NTM: variants seen among roughly 807,000 people sequenced by gnomAD.
NTM encodes neurotrimin, also known as IgLON family member 2.
Under a neutral mutation model 42.1 loss-of-function variants are expected in NTM, and 13 were observed. The observed-to-expected ratio is 0.31, with a 90% CI of 0.20 to 0.49. NTM has a LOEUF of 0.49. NTM is among the 20% of genes least tolerant of loss of function. The probability of loss-of-function intolerance (pLI) is 0.99; values close to 1 mark genes in which losing one functional copy is unlikely to be tolerated. For missense variants in NTM, 373 were observed against 452.8 expected (o/e 0.82, Z 1.60); for synonymous variants, 187 against 179.2 (o/e 1.04, Z -0.35).
intron 1 of NTM, among the ~76,000 whole-genome samples, chr11:131,763,610 G>A (rs1473780966): frequency 2.0e-5 from 3 of 149,938 alleles, no homozygotes; most frequent in Non-Finnish European, 3.0e-5. Context: ...TCTGAATCTA[G>A]AATGGGAAGC....
chr11:131,613,440 C>T (rs1490880089), intron 1 of NTM, among the ~76,000 whole-genome samples: 4 of 152,152 alleles, frequency 2.6e-5, no homozygotes, highest in Non-Finnish European at 4.4e-5. Flanking sequence ...GTTTCAGCCC[C>T]CATCCTCAGG....
At chr11:132,267,508 A>G (rs1414548867) in intron 4 of NTM, among the ~76,000 whole-genome samples, 1 of 146,870 alleles carries the variant, frequency 6.8e-6, no homozygotes, top group Non-Finnish European at 1.5e-5. Context: ...TTTCATTCAG[A>G]TACCTTTAAA....
At chr11:131,431,623 C>T (rs2512648) in intron 1 of NTM, among the ~76,000 whole-genome samples, 61,584 of 152,026 alleles carry the variant, frequency 0.41, 13,371 homozygotes, top group Non-Finnish European at 0.5. Flanking sequence ...CCCCGTGTGG[C>T]TGGCCCAACA....
chr11:131,557,912 G>A (rs75878900), intron 1 of NTM, among the ~76,000 whole-genome samples: 1,999 of 152,280 alleles, frequency 0.013, 49 homozygotes, highest in African/African-American at 0.045. Context: ...CTTTTGAGGG[G>A]TGGTATCTCT....
chr11:131,900,930 A>G lies in NTM; in HGVS notation c.83-10634A>G, dbSNP rs78863321. On this transcript the variant is annotated intron_variant, in intron 1 of 8. Transcript: ENST00000683400. ...TTGGGCCAACACTTGTTTTTTGGCA[A>G]AAATTCCTGATACCTGCAGAAAGCA... Among the ~76,000 whole-genome samples the G allele has an allele frequency of 8.8e-3, 1,337 of 152,280 alleles. 15 individuals carry two copies. Among genetic ancestry groups the G allele is most frequent in the African/African-American group, 0.031 (1,275 of 41,544 alleles).
intron 8 of NTM, among the ~76,000 whole-genome samples, chr11:132,331,772 G>A (rs777978865): frequency 1.3e-5 from 2 of 152,228 alleles, no homozygotes; most frequent in African/African-American, 4.8e-5. Flanking sequence ...CCTGCAAGAG[G>A]TGCTGAAGGC....
chr11:132,124,422 C>T (rs1320085961), intron 2 of NTM, among the ~76,000 whole-genome samples: 1 of 152,186 alleles, frequency 6.6e-6, no homozygotes, highest in Non-Finnish European at 1.5e-5. Flanking sequence ...TTGGCACCTG[C>T]GCCTTAGATT....
chr11:132,113,432 A>G (rs1474813311), intron 2 of NTM, among the ~76,000 whole-genome samples: 1 of 152,214 alleles, frequency 6.6e-6, no homozygotes, highest in Non-Finnish European at 1.5e-5. Context: ...CACCACGTAC[A>G]CATTTTCCCT....
At chr11:131,455,926 T>A (rs1591717559) in intron 1 of NTM, among the ~76,000 whole-genome samples, 1 of 152,362 alleles carries the variant, frequency 6.6e-6, no homozygotes, top group East Asian at 1.9e-4. Flanking sequence ...GTCTTTGGTA[T>A]GTCTGATGAA....
intron 1 of NTM, among the ~76,000 whole-genome samples, chr11:131,610,828 T>A (rs2061410099): frequency 2.0e-5 from 3 of 152,102 alleles, no homozygotes; most frequent in Non-Finnish European, 4.4e-5. Flanking sequence ...ACGCTGAGGA[T>A]CCTAAATGCT....
chr11:132,133,609 C>T (rs1209140776), intron 2 of NTM, among the ~76,000 whole-genome samples: 6 of 152,158 alleles, frequency 3.9e-5, no homozygotes, highest in African/African-American at 1.4e-4. Context: ...AGACCCCTGA[C>T]ACACAGCCCT....
chr11:131,486,225 G>C (rs1458931037), intron 1 of NTM, among the ~76,000 whole-genome samples: 1 of 152,164 alleles, frequency 6.6e-6, no homozygotes, highest in Non-Finnish European at 1.5e-5. Flanking sequence ...ATTGCCTCCA[G>C]AACTTGGCAG....
At chr11:132,058,092 G>C (rs1408667256) in intron 2 of NTM, among the ~76,000 whole-genome samples, 1 of 152,132 alleles carries the variant, frequency 6.6e-6, no homozygotes, top group African/African-American at 2.4e-5. Flanking sequence ...GATTTGAGTT[G>C]TTCTGTCTGT....
intron 1 of NTM, among the ~76,000 whole-genome samples, chr11:131,615,001 G>A (rs1307917652): frequency 6.6e-6 from 1 of 152,210 alleles, no homozygotes; most frequent in Admixed American, 6.5e-5. Context: ...TGGTGTGGTA[G>A]AAGCAGATGG....
intron 2 of NTM, among the ~76,000 whole-genome samples, chr11:132,075,445 A>G (rs187986303): frequency 6.6e-6 from 1 of 152,344 alleles, no homozygotes; most frequent in Non-Finnish European, 1.5e-5. Context: ...CATTTGCTCT[A>G]GAATCCTATT....
At chr11:131,852,346 C>T (rs1266146542) in intron 1 of NTM, among the ~76,000 whole-genome samples, 4 of 152,226 alleles carry the variant, frequency 2.6e-5, no homozygotes, top group Non-Finnish European at 5.9e-5. Context: ...ACATAGTGAA[C>T]ATTTAATACA....
chr11:131,494,935 T>C (rs945153193), intron 1 of NTM, among the ~76,000 whole-genome samples: 2 of 152,236 alleles, frequency 1.3e-5, no homozygotes, highest in Admixed American at 6.5e-5. Flanking sequence ...CATTAAAATA[T>C]GTATGACAAC....
At chr11:131,643,748 G>T (rs574754181) in intron 1 of NTM, among the ~76,000 whole-genome samples, 7 of 152,248 alleles carry the variant, frequency 4.6e-5, no homozygotes, top group African/African-American at 1.7e-4. Flanking sequence ...GTGCAGAAAC[G>T]TGTGCTGCCA....
chr11:132,043,223 C>T (rs1177911565), intron 2 of NTM, among the ~76,000 whole-genome samples: 3 of 152,192 alleles, frequency 2.0e-5, no homozygotes, highest in African/African-American at 7.2e-5. Context: ...AGTCTTTCTG[C>T]AAGCTCCTAC....
Sources: allele counts gnomAD v4.1 joint callset (sites outside exome capture counted in the v4.1 genomes callset), GRCh38; gene constraint gnomAD v4.1.1; transcripts MANE v1.5; gene names NCBI Gene and HGNC (gene_info 2026-07-23, HGNC 2026-07-21).